Variants in ETF1 observed in about 807,000 individuals in gnomAD.
ETF1 encodes eukaryotic translation termination factor 1, also known as eukaryotic peptide chain release factor subunit 1.
A neutral mutation model predicts 55.1 loss-of-function variants in ETF1; 4 were observed. That is an observed-to-expected ratio of 0.07 (90% CI 0.04 to 0.17). ETF1 has a LOEUF of 0.17. Among genes scored for constraint, ETF1 ranks in the 10% least tolerant of loss-of-function variants. The pLI is 1.00. For missense variants in ETF1, 142 were observed against 523.6 expected (o/e 0.27, Z 7.11); for synonymous variants, 157 against 182.3 (o/e 0.86, Z 1.12).
At chr5:138,510,293 G>A (rs781108827) in intron 9 of ETF1, among the ~76,000 whole-genome samples, 3 of 147,988 alleles carry the variant, frequency 2.0e-5, no homozygotes, top group Non-Finnish European at 4.5e-5. Context: ...AGGAGGTGGA[G>A]GTTGCAGCGA....
intron 4 of ETF1, among the ~76,000 whole-genome samples, 197 bp downstream of exon 4, chr5:138,517,364 C>G (rs553758828): frequency 8.0e-5 from 12 of 150,450 alleles, no homozygotes; most frequent in African/African-American, 2.2e-4. Flanking sequence ...GAGCGAGACT[C>G]CGTCTAAAAA....
chr5:138,532,673 C>G (rs1765751765), intron 2 of ETF1, among the ~76,000 whole-genome samples: 1 of 152,088 alleles, frequency 6.6e-6, no homozygotes, highest in Admixed American at 6.6e-5. Flanking sequence ...ATGATGGTCA[C>G]CTTTACGGGA....
intron 3 of ETF1, chr5:138,517,931 G>A: frequency 1.0e-6 from 1 of 979,030 alleles, no homozygotes; most frequent in Non-Finnish European, 1.2e-6. Context: ...GGACGTGGTG[G>A]TGGCTCACGC....
rs753167770 is a variant in ETF1 at position 138,508,319 on chromosome 5, G to C, written c.1300C>G (p.Leu434Val). 6.2e-7 allele frequency: 1 copy of C among 1,613,852 alleles called. No homozygotes were observed. Among genetic ancestry groups the C allele is most frequent in the Non-Finnish European group, 8.5e-7 (1 of 1,179,978 alleles). The change falls in exon 11 of 11, where the codon CTT (leucine) becomes GTT (valine). Residue 434 changes from leucine to valine, a missense_variant. Physicochemically the swap from Leu to Val is conservative, Grantham distance 32. Around this residue, in one of 5 missense-constraint regions of ETF1, gnomAD observed 82 missense variants for 232.9 expected, o/e 0.35. Coordinates refer to ENST00000360541, the MANE Select transcript of ETF1 (RefSeq NM_004730.4). ...YQGGDDEFFD[L>V]DDY Reference sequence around the variant, plus strand: ...ATGTCGACTACCTAGTAGTCATCAAGGTCAAAAAATTCATCGTCTCCTCCT... The same window carrying C: ...ATGTCGACTACCTAGTAGTCATCAACGTCAAAAAATTCATCGTCTCCTCCT...
rs1266482458 is a variant in ETF1 at position 138,508,386 on chromosome 5, A to G, written c.1233T>C (p.Gly411=). 6.2e-7 allele frequency: 1 copy of G among 1,613,852 alleles called. No individual in the cohort carries two copies. The highest frequency in any genetic ancestry group is 8.5e-7 in the Non-Finnish European group (1 of 1,179,900). The change falls in exon 11 of 11, where the codon GGT becomes GGC. Residue 411 remains glycine (G), a splice_region_variant and synonymous_variant. Transcript: ENST00000360541. ...GGAAATCTACTCGGTACCGCAAGAT[A>G]CCTGGGGAAACAAACCAAAAGGTAA... ...QFVKGFGGIG[G]ILRYRVDFQG...
At chr5:138,525,940 G>GTT (rs199776340) in intron 2 of ETF1, among the ~76,000 whole-genome samples, 1 of 35,464 alleles carries the variant, frequency 2.8e-5, no homozygotes, top group African/African-American at 9.7e-5. Context: ...GTGAGACTCT[G>GTT]TTTAAAAAAA....
chr5:138,513,901 G>A, intron 4 of ETF1, 195 bp from the exon 5 acceptor site: 1 of 840,042 alleles, frequency 1.2e-6, no homozygotes, highest in South Asian at 5.5e-5. Flanking sequence ...AACCCAATAA[G>A]GAAATAACGA....
intron 4 of ETF1, among the ~76,000 whole-genome samples, chr5:138,516,574 GA>G (rs1195995699): frequency 2.0e-5 from 3 of 152,216 alleles, no homozygotes; most frequent in Admixed American, 6.5e-5. Context: ...CATGGAGATG[GA>G]GGTTGCAGTG....
intron 9 of ETF1, 82 bp from the exon 10 acceptor site, chr5:138,508,898 A>G: frequency 6.5e-7 from 1 of 1,536,138 alleles, no homozygotes. Context: ...CCCCTTGCCC[A>G]CCTATCACTC....
chr5:138,509,625 T>C (rs1274733189), intron 9 of ETF1, among the ~76,000 whole-genome samples: 4 of 152,016 alleles, frequency 2.6e-5, no homozygotes, highest in African/African-American at 9.7e-5. Flanking sequence ...CCTGGCATGG[T>C]GGCTCACGCC....
intron 9 of ETF1, among the ~76,000 whole-genome samples, chr5:138,509,843 C>T (rs1019641616): frequency 1.2e-4 from 16 of 135,148 alleles, no homozygotes; most frequent in Admixed American, 5.2e-4. Flanking sequence ...TGCAGTGAGC[C>T]GAGATCACAC....
At chr5:138,516,371 AACAC>A (rs3884296) in intron 4 of ETF1, among the ~76,000 whole-genome samples, 3 of 150,662 alleles carry the variant, frequency 2.0e-5, no homozygotes, top group South Asian at 2.1e-4. Context: ...CAAAAATCAA[AACAC>A]ACACACACAC....
chr5:138,528,697 A>G (rs1231013044), intron 2 of ETF1, among the ~76,000 whole-genome samples: 1 of 152,074 alleles, frequency 6.6e-6, no homozygotes, highest in Non-Finnish European at 1.5e-5. Context: ...CCCTCCCCCT[A>G]CCTTCTATGG....
chr5:138,517,908 A>G (rs1765084874), intron 3 of ETF1: 2 of 984,894 alleles, frequency 2.0e-6, no homozygotes, highest in Non-Finnish European at 2.4e-6. Flanking sequence ...TTATTCTTTA[A>G]AGTAAACAGG....
intron 2 of ETF1, among the ~76,000 whole-genome samples, chr5:138,538,416 C>T (rs1034865656): frequency 1.3e-5 from 2 of 152,058 alleles, no homozygotes; most frequent in African/African-American, 4.8e-5. Context: ...TCTTGAACTC[C>T]TGACCTCAAG....
intron 2 of ETF1, among the ~76,000 whole-genome samples, chr5:138,536,411 G>A (rs146014397): frequency 6.6e-6 from 1 of 152,228 alleles, no homozygotes; most frequent in East Asian, 1.9e-4. Flanking sequence ...TGTGTCAAAT[G>A]GCATAAGATA....
chr5:138,507,955 AT>A lies in ETF1; in HGVS notation c.*349del. On this transcript the variant is annotated 3_prime_UTR_variant, in exon 11 of 11. Coordinates refer to ENST00000360541, the MANE Select transcript of ETF1 (RefSeq NM_004730.4). ...TTTGAAGGTTTACAGCAGTTAAAGT[AT>A]TTTTGCTTCTATGTATGAAGGTTAA... 5.0e-6 allele frequency: 1 copy of A among 199,084 alleles called. No individual in the cohort carries two copies. Among genetic ancestry groups the A allele is most frequent in the Non-Finnish European group, 1.0e-5 (1 of 97,956 alleles). The allele number at this position is 199,084 out of a possible 1,614,324, so 12.3% of individuals were successfully genotyped here. A position where few individuals can be genotyped will look rare whatever the true frequency, so the allele number is the denominator to read the frequency against.
At chr5:138,534,967 T>C (rs1332423370) in intron 2 of ETF1, among the ~76,000 whole-genome samples, 4 of 49,136 alleles carry the variant, frequency 8.1e-5, no homozygotes, top group Admixed American at 3.7e-4. Flanking sequence ...ACTAGTTTCT[T>C]TTTTTTTTTT....
intron 2 of ETF1, among the ~76,000 whole-genome samples, chr5:138,526,237 A>C (rs559417791): frequency 5.3e-5 from 8 of 152,326 alleles, no homozygotes; most frequent in African/African-American, 1.7e-4. Flanking sequence ...AGCTGGTTAC[A>C]GAGTCAAATT....
Sources: allele counts gnomAD v4.1 joint callset (sites outside exome capture counted in the v4.1 genomes callset), GRCh38; gene constraint gnomAD v4.1.1; regional missense constraint gnomAD v4.1.1; transcripts MANE v1.5; gene names NCBI Gene and HGNC (gene_info 2026-07-23, HGNC 2026-07-21).